MRPS12: variants seen among roughly 807,000 people sequenced by gnomAD.
The protein encoded by MRPS12 is mitochondrial ribosomal protein S12, also known as small ribosomal subunit protein uS12m.
In MRPS12, 7 loss-of-function variants were observed where a neutral mutation model predicts 8.4. The ratio of observed to expected loss-of-function variants is 0.83; its 90% CI spans 0.47 to 1.56. MRPS12 has a LOEUF of 1.56. MRPS12 is among the 40% of genes most tolerant of loss of function. The probability of loss-of-function intolerance (pLI) is 0.01; values close to 1 mark genes in which losing one functional copy is unlikely to be tolerated. For synonymous variants in MRPS12, 84 were observed against 84.1 expected (o/e 1.00, Z 0.01); for missense variants, 200 against 194.1 (o/e 1.03, Z -0.18).
chr19:38,933,062 G>A lies in MRPS12; in HGVS notation c.*362G>A, dbSNP rs1974792536. The A allele has an allele frequency of 4.8e-6, 1 of 210,140 alleles. No individual in the cohort carries two copies. Among genetic ancestry groups the A allele is most frequent in the African/African-American group, 2.3e-5 (1 of 43,060 alleles). The allele number at this position is 210,140 out of a possible 1,614,324, so 13.0% of individuals were successfully genotyped here. On this transcript the variant is annotated 3_prime_UTR_variant, in exon 3 of 3. Coordinates refer to ENST00000308018, the MANE Select transcript of MRPS12 (RefSeq NM_033362.4). ...TTGCCCTCTGTGTGGCTGTGGCAGT[G>A]GACATCTCTGAGCTTCAGTTTCCTC...
chr19:38,932,686 G>A lies in MRPS12; in HGVS notation c.403G>A (p.Val135Met), dbSNP rs768955426. 1.9e-6 allele frequency: 3 copies of A among 1,612,990 alleles called. No individual in the cohort carries two copies. In the South Asian group the frequency reaches 3.3e-5, roughly 18 times the overall value. Reference sequence around the variant, plus strand: ...GCGTGGCAAGTACGACTGTGGCCACGTGCAGAAGAAGTGACGGCTGGGGGC... The same window carrying A: ...GCGTGGCAAGTACGACTGTGGCCACATGCAGAAGAAGTGACGGCTGGGGGC... ...VVRGKYDCGHVQKK is the reference protein window; with the variant it reads ...VVRGKYDCGHMQKK The change falls in exon 3 of 3, where the codon GTG becomes ATG. Residue 135 changes from valine (V) to methionine (M), a missense_variant. Coordinates refer to ENST00000308018, the MANE Select transcript of MRPS12 (RefSeq NM_033362.4).
intron 2 of MRPS12, 35 bp from the exon 3 acceptor site, chr19:38,932,298 T>C (rs764724138): frequency 6.7e-7 from 1 of 1,501,172 alleles, no homozygotes; most frequent in Non-Finnish European, 8.9e-7. Context: ...TAAGATCTGT[T>C]CTCTGGGATA....
Position 38,932,404 on chromosome 19 carries a change from C to G in MRPS12, c.121C>G (p.Pro41Ala), listed in dbSNP as rs755158471. ...ATLNQMHRLG[P>A]PKRPPRKLGP... ...CCTGAACCAGATGCACCGCCTGGGG[C>G]CCCCCAAGCGGCCGCCTCGGAAGCT... is the stretch of plus-strand genomic sequence containing the variant. The change falls in exon 3 of 3, where the codon CCC becomes GCC. Residue 41 changes from proline (P) to alanine (A), a missense_variant. Physicochemically the swap from Pro to Ala is conservative, Grantham distance 27. Transcript: ENST00000308018. 25 of 1,604,668 alleles carry G rather than the reference C, an allele frequency of 1.6e-5. No individual in the cohort carries two copies. The highest frequency in any genetic ancestry group is 2.0e-5 in the Non-Finnish European group (24 of 1,174,440).
Position 38,932,550 on chromosome 19 carries a change from CGAG to C in MRPS12, c.269_271del (p.Glu90del), listed in dbSNP as rs1568432670. 3 of 1,612,932 alleles carry C rather than the reference CGAG, an allele frequency of 1.9e-6. No homozygotes were observed. The highest frequency in any genetic ancestry group is 2.7e-5 in the African/African-American group (2 of 74,932). ...GTCGAGTGCGGCTCAGCACTGGCCGCGAGGCCGTCTGCTTCATCCCTGGGGAGG... is the reference window on the plus strand; with the variant it reads ...GTCGAGTGCGGCTCAGCACTGGCCGCGCCGTCTGCTTCATCCCTGGGGAGG... On this transcript the variant is annotated inframe_deletion, in exon 3 of 3. Transcript: ENST00000308018.
chr19:38,932,096 A>G (rs1411718587), intron 2 of MRPS12, among the ~76,000 whole-genome samples: 1 of 150,678 alleles, frequency 6.6e-6, no homozygotes, highest in Non-Finnish European at 1.5e-5. Context: ...AGATTGAGGT[A>G]CTGCACTCCA....
At chr19:38,931,246 C>A in intron 1 of MRPS12, 30 bp from the exon 2 acceptor site, 1 of 1,537,184 alleles carries the variant, frequency 6.5e-7, no homozygotes, top group Non-Finnish European at 8.7e-7. Flanking sequence ...ACTTTTTCCT[C>A]CTTTCTGAGT....
In MRPS12 at chr19:38,932,489, A is replaced by C; in HGVS notation, c.206A>C (p.Lys69Thr). ...GTGGTCCTGTGCACGTTTACCCGCA[A>C]GCCGAAGAAGCCCAACTCAGCCAAT... is the stretch of plus-strand genomic sequence containing the variant. ...KGVVLCTFTRKPKKPNSANRK... is the reference protein window; with the variant it reads ...KGVVLCTFTRTPKKPNSANRK... The change falls in exon 3 of 3, where the codon AAG (lysine) becomes ACG (threonine). Residue 69 changes from lysine (K) to threonine (T), a missense_variant. Lys to Thr is a moderately conservative substitution (Grantham distance 78). Transcript: ENST00000308018. 1 of 1,613,216 alleles carries C rather than the reference A, an allele frequency of 6.2e-7. No homozygotes were observed. Among genetic ancestry groups the C allele is most frequent in the Non-Finnish European group, 8.5e-7 (1 of 1,179,454 alleles).
Position 38,931,259 on chromosome 19 carries a change from C to CT in MRPS12, c.-19-15dup. On this transcript the variant is annotated splice_polypyrimidine_tract_variant and intron_variant, in intron 1 of 2. Coordinates refer to ENST00000308018, the MANE Select transcript of MRPS12 (RefSeq NM_033362.4). ...TCACTTTTTCCTCCTTTCTGAGTCT[C>CT]TTATCCCCTACCACAGGGACGGCCC... 6.4e-7 allele frequency: 1 copy of CT among 1,574,366 alleles called. No homozygotes were observed. The highest frequency in any genetic ancestry group is 1.4e-5 in the African/African-American group (1 of 72,972).
At position 38,932,688 on chromosome 19, in the gene MRPS12, G is replaced by A. The variant is rs774665320; in HGVS notation, c.405G>A (p.Val135=). 9 of 1,612,818 alleles carry A rather than the reference G, an allele frequency of 5.6e-6. No individual in the cohort carries two copies. In the African/African-American group the frequency reaches 6.7e-5, roughly 12 times the overall value. ...VVRGKYDCGH[V]QKK is the part of the protein sequence containing the mutation. ...GTGGCAAGTACGACTGTGGCCACGT[G>A]CAGAAGAAGTGACGGCTGGGGGCAC... Residue 135 remains valine (V), a synonymous_variant, in exon 3 of 3, where the codon GTG becomes GTA. Transcript: ENST00000308018.
chr19:38,931,208 C>G (rs944413914), intron 1 of MRPS12, 68 bp from the exon 2 acceptor site: 2 of 1,230,574 alleles, frequency 1.6e-6, no homozygotes, highest in Non-Finnish European at 2.3e-6. Flanking sequence ...GTCCTGAGAG[C>G]GGATCGGGGA....
rs1312363369 is a variant in MRPS12 at position 38,932,378 on chromosome 19, C to T, written c.95C>T (p.Thr32Ile). 2 of 1,589,472 alleles carry T rather than the reference C, an allele frequency of 1.3e-6. No homozygotes were observed. Among genetic ancestry groups the T allele is most frequent in the East Asian group, 2.2e-5 (1 of 44,604 alleles). ...CTCTGGGCTACCTGCTCCATGGCTACCCTGAACCAGATGCACCGCCTGGGG... is the reference window on the plus strand; with the variant it reads ...CTCTGGGCTACCTGCTCCATGGCTATCCTGAACCAGATGCACCGCCTGGGG... ...PRLWATCSMATLNQMHRLGPP... is the reference protein window; with the variant it reads ...PRLWATCSMAILNQMHRLGPP... Residue 32 changes from threonine (T) to isoleucine (I), a missense_variant, in exon 3 of 3, where the codon ACC (threonine) becomes ATC (isoleucine). Coordinates refer to ENST00000308018, the MANE Select transcript of MRPS12 (RefSeq NM_033362.4).
At position 38,932,484 on chromosome 19, in the gene MRPS12, C is replaced by T. The variant is rs1311391043; in HGVS notation, c.201C>T (p.Thr67=). The T allele has an allele frequency of 3.1e-6, 5 of 1,613,304 alleles. No individual in the cohort carries two copies. Among genetic ancestry groups the T allele is most frequent in the Non-Finnish European group, 4.2e-6 (5 of 1,179,560 alleles). The change falls in exon 3 of 3, where the codon ACC becomes ACT. Residue 67 remains threonine, a synonymous_variant. Coordinates refer to ENST00000308018, the MANE Select transcript of MRPS12 (RefSeq NM_033362.4). ...QLKGVVLCTF[T]RKPKKPNSAN... ...AGGGTGTGGTCCTGTGCACGTTTAC[C>T]CGCAAGCCGAAGAAGCCCAACTCAG...
In MRPS12 at chr19:38,933,148, G is replaced by A. The variant is rs1462624974; in HGVS notation, c.*448G>A. 5 of 162,856 alleles carry A rather than the reference G, an allele frequency of 3.1e-5. No homozygotes were observed. Among genetic ancestry groups the A allele is most frequent in the Admixed American group, 2.9e-4 (5 of 17,462 alleles). 10.1% of individuals were successfully genotyped at this position (162,856 alleles called of 1,614,324 possible). On this transcript the variant is annotated 3_prime_UTR_variant, in exon 3 of 3. Coordinates refer to ENST00000308018, the MANE Select transcript of MRPS12 (RefSeq NM_033362.4). ...TGGTTTGGTGAAGATTAAATTCGAT[G>A]CTCTATGTGCATAACACGCACGGAG...
chr19:38,931,587 G>C (rs1376046505), intron 2 of MRPS12: 1 of 367,716 alleles, frequency 2.7e-6, no homozygotes, highest in Admixed American at 4.6e-5. Context: ...TGTCGCCCAG[G>C]CTGAAGTGCA....
Position 38,931,302 on chromosome 19 carries a change from G to A in MRPS12, c.8G>A (p.Trp3Ter). 6.2e-7 allele frequency: 1 copy of A among 1,605,764 alleles called. No individual in the cohort carries two copies. Among genetic ancestry groups the A allele is most frequent in the Admixed American group, 1.7e-5 (1 of 58,346 alleles). ...GACGGCCCAGGTGGCAGGATGTCCTGGTCTGGCCTTCTCCATGGCCTCAAC... is the reference window on the plus strand; with the variant it reads ...GACGGCCCAGGTGGCAGGATGTCCTAGTCTGGCCTTCTCCATGGCCTCAAC... The part of the protein sequence containing the change: MS[W>*]SGLLHGLNTS... The change falls in exon 2 of 3, where the codon TGG (tryptophan) becomes TAG (stop). Residue 3 changes from tryptophan to a stop codon, truncating the protein, a stop_gained. Coordinates refer to ENST00000308018, the MANE Select transcript of MRPS12 (RefSeq NM_033362.4). LOFTEE classifies it low-confidence loss of function (END_TRUNC).
intron 2 of MRPS12, 97 bp from the exon 3 acceptor site, chr19:38,932,236 G>T: frequency 7.8e-7 from 1 of 1,283,402 alleles, no homozygotes; most frequent in Non-Finnish European, 1.0e-6. Context: ...ATGCATCTTT[G>T]TAAAGTGCTT....
Position 38,932,994 on chromosome 19 carries a change from A to G in MRPS12, c.*294A>G, listed in dbSNP as rs1292981741. ...CCTCTGCTGGGAAGGGGTTTTAATA[A>G]ACAGACCCTGGCGCTTGTGATGTAA... On this transcript the variant is annotated 3_prime_UTR_variant, in exon 3 of 3. Coordinates refer to ENST00000308018, the MANE Select transcript of MRPS12 (RefSeq NM_033362.4). 56 of 349,950 alleles carry G rather than the reference A, an allele frequency of 1.6e-4. No individual in the cohort carries two copies. The South Asian group carries it at 2.3e-3, about 15-fold the overall frequency. The allele number at this position is 349,950 out of a possible 1,614,324, so 21.7% of individuals were successfully genotyped here.
rs61232096 is a variant in MRPS12, at chr19:38,932,233, T to C, written c.50-100T>C. On this transcript the variant is annotated intron_variant, in intron 2 of 2. Transcript: ENST00000308018. ...AACATTAGATGTGAACAAATGCATC[T>C]TTGTAAAGTGCTTTAAACAATGCCT... The C allele has an allele frequency of 0.014, 18,211 of 1,271,900 alleles. 1,383 individuals are homozygous for C. In the African/African-American group the frequency reaches 0.2, roughly 14 times the overall value. The allele number at this position is 1,271,900 out of a possible 1,614,324, so 78.8% of individuals were successfully genotyped here.
At chr19:38,932,151 A>T (rs1974764597) in intron 2 of MRPS12, among the ~76,000 whole-genome samples, 182 bp from the exon 3 acceptor site, 1 of 151,004 alleles carries the variant, frequency 6.6e-6, no homozygotes, top group South Asian at 2.1e-4. Flanking sequence ...AAAAAAAGAA[A>T]AAAAAAAAAA....
Sources: allele counts gnomAD v4.1 joint callset (sites outside exome capture counted in the v4.1 genomes callset), GRCh38; gene constraint gnomAD v4.1.1; transcripts MANE v1.5; gene names NCBI Gene and HGNC (gene_info 2026-07-23, HGNC 2026-07-21).